SGMS1: variants seen among roughly 807,000 people sequenced by gnomAD.
SGMS1 encodes the protein sphingomyelin synthase 1.
In SGMS1, 13 loss-of-function variants were observed where a neutral mutation model predicts 46.2. The observed-to-expected ratio is 0.28, with a 90% CI of 0.18 to 0.45. SGMS1 has a LOEUF of 0.45. Among genes scored for constraint, SGMS1 ranks in the 20% least tolerant of loss-of-function variants. The pLI is 1.00. For missense variants in SGMS1, 324 were observed against 519.9 expected (o/e 0.62, Z 3.66); for synonymous variants, 203 against 187.8 (o/e 1.08, Z -0.66).
chr10:50,338,619 A>G (rs4935623), intron 7 of SGMS1, among the ~76,000 whole-genome samples: 84,208 of 151,982 alleles, frequency 0.55, 23,801 homozygotes, highest in East Asian at 0.85. Flanking sequence ...ATTAGAAACT[A>G]TAAGTGTCAT....
At chr10:50,559,819 A>T (rs1345812736) in intron 2 of SGMS1, among the ~76,000 whole-genome samples, 1 of 152,170 alleles carries the variant, frequency 6.6e-6, no homozygotes, top group Non-Finnish European at 1.5e-5. Flanking sequence ...TTAAAAACAA[A>T]ATCCATTCCC....
rs142489827 is a variant in SGMS1, at chr10:50,480,239, T to C, written c.-497-13307A>G. ...AAAAGCTTTCTGGTTTTGGTCCACA[T>C]GGTCCACATGACATTGAGCTAGGTC... On this transcript the variant is annotated intron_variant, in intron 3 of 10. Coordinates refer to ENST00000361781, the MANE Select transcript of SGMS1 (RefSeq NM_147156.4). Among the ~76,000 whole-genome samples, 140 of 152,228 alleles carry C rather than the reference T, an allele frequency of 9.2e-4. 1 individual carries two copies. In the Middle Eastern group the frequency reaches 0.031, roughly 33 times the overall value.
At chr10:50,371,575 C>T (rs1848436319) in intron 6 of SGMS1, among the ~76,000 whole-genome samples, 1 of 152,206 alleles carries the variant, frequency 6.6e-6, no homozygotes, top group South Asian at 2.1e-4. Context: ...CTTTGGACTA[C>T]TTGTAGTTCC....
intron 8 of SGMS1, among the ~76,000 whole-genome samples, chr10:50,316,636 A>G (rs1847343104): frequency 6.6e-6 from 1 of 152,162 alleles, no homozygotes; most frequent in Non-Finnish European, 1.5e-5. Context: ...ATTAAGGTAA[A>G]TTATTTTGTT....
chr10:50,625,125 G>C, upstream of SGMS1: 3 of 934,838 alleles, frequency 3.2e-6, no homozygotes, highest in Non-Finnish European at 3.8e-6. Flanking sequence ...CCCCTGGCTT[G>C]CCCAGAGGAC....
intron 1 of SGMS1, among the ~76,000 whole-genome samples, chr10:50,622,131 C>T (rs1256077003): frequency 8.5e-5 from 13 of 152,216 alleles, no homozygotes; most frequent in Non-Finnish European, 1.5e-5. Context: ...CACGGCATGT[C>T]TTCAGAGCTG....
intron 6 of SGMS1, among the ~76,000 whole-genome samples, chr10:50,360,768 C>T (rs1589406161): frequency 6.6e-6 from 1 of 152,200 alleles, no homozygotes; most frequent in Non-Finnish European, 1.5e-5. Flanking sequence ...CTATTTCTAT[C>T]ACACAACACT....
chr10:50,477,047 C>T (rs948922201), intron 3 of SGMS1, among the ~76,000 whole-genome samples: 1 of 152,242 alleles, frequency 6.6e-6, no homozygotes, highest in Non-Finnish European at 1.5e-5. Context: ...AGGAGGGCTG[C>T]CTTCCTCCAG....
chr10:50,377,187 T>G (rs141686351), intron 6 of SGMS1, among the ~76,000 whole-genome samples: 2,144 of 152,338 alleles, frequency 0.014, 25 homozygotes, highest in Non-Finnish European at 0.02. Flanking sequence ...CTGGTTGGTT[T>G]CCGGTGAGGG....
chr10:50,596,746 T>TGAGCCA (rs1184484286), intron 1 of SGMS1, among the ~76,000 whole-genome samples: 3 of 152,242 alleles, frequency 2.0e-5, no homozygotes, highest in African/African-American at 7.2e-5. Flanking sequence ...GAATACATCA[T>TGAGCCA]GAGCCAGATC....
intron 2 of SGMS1, among the ~76,000 whole-genome samples, chr10:50,584,498 C>CA (rs751224205): frequency 0.06 from 4,114 of 68,770 alleles, 273 homozygotes; most frequent in African/African-American, 0.18. Context: ...GACTCCATCT[C>CA]AAAAAAAAAA....
At chr10:50,594,983 CTGA>C (rs1486803537) in intron 1 of SGMS1, among the ~76,000 whole-genome samples, 1 of 152,154 alleles carries the variant, frequency 6.6e-6, no homozygotes, top group African/African-American at 2.4e-5. Flanking sequence ...AGTCACACAG[CTGA>C]TAAGTGGTAG....
chr10:50,534,204 A>G (rs1264052321), intron 2 of SGMS1, among the ~76,000 whole-genome samples: 7 of 152,178 alleles, frequency 4.6e-5, no homozygotes. Flanking sequence ...TAGGGATGGA[A>G]AGGGAAAGAG....
At position 50,412,058 on chromosome 10, in the gene SGMS1, C is replaced by T. The variant is rs958048618; in HGVS notation, c.-232+21418G>A. 7.2e-5 allele frequency among the ~76,000 whole-genome samples: 11 copies of T among 152,276 alleles called. No individual in the cohort carries two copies. The East Asian group carries it at 1.7e-3, about 24-fold the overall frequency. On this transcript the variant is annotated intron_variant, in intron 6 of 10. Transcript: ENST00000361781. ...TGCTGTGCTCCCCTTGGGCAGCCAC[C>T]ACCTGAGAGGGATGAGCTGGCTGTG...
rs538077254 is a variant in SGMS1, at chr10:50,523,993, C to T, written c.-588-4072G>A. ...TGCTACTTCTTGGGCAGAATTTCTT[C>T]ATATTAGAAATCCACATTTCAGCTC... On this transcript the variant is annotated intron_variant, in intron 2 of 10. Coordinates refer to ENST00000361781, the MANE Select transcript of SGMS1 (RefSeq NM_147156.4). 2.0e-5 allele frequency among the ~76,000 whole-genome samples: 3 copies of T among 152,342 alleles called. No homozygotes were observed. In the East Asian group the frequency reaches 5.8e-4, roughly 29 times the overall value.
intron 6 of SGMS1, among the ~76,000 whole-genome samples, chr10:50,420,290 A>C (rs1849237801): frequency 6.6e-6 from 1 of 152,224 alleles, no homozygotes; most frequent in Non-Finnish European, 1.5e-5. Flanking sequence ...GTTCACTACC[A>C]ATAGGCGTAA....
chr10:50,492,075 T>C lies in SGMS1; in HGVS notation c.-497-25143A>G, dbSNP rs190511459. Among the ~76,000 whole-genome samples the C allele has an allele frequency of 3.9e-5, 6 of 152,320 alleles. No individual in the cohort carries two copies. The East Asian group carries it at 1.2e-3, about 29-fold the overall frequency. On this transcript the variant is annotated intron_variant, in intron 3 of 10. Coordinates refer to ENST00000361781, the MANE Select transcript of SGMS1 (RefSeq NM_147156.4). ...GAACTAAAAACAAAACCAACATGAT[T>C]ATCTCAATAGACGCAGAAAAGGGTT...
At chr10:50,576,046 C>T (rs1285517757) in intron 2 of SGMS1, among the ~76,000 whole-genome samples, 3 of 152,044 alleles carry the variant, frequency 2.0e-5, no homozygotes, top group African/African-American at 7.2e-5. Context: ...TCTGGCATCA[C>T]TTCCCATGTT....
At chr10:50,468,098 C>T (rs1837347034) in intron 3 of SGMS1, among the ~76,000 whole-genome samples, 1 of 152,162 alleles carries the variant, frequency 6.6e-6, no homozygotes, top group South Asian at 2.1e-4. Context: ...CTAGTCTGTG[C>T]TAGAAGCTAG....
Sources: allele counts gnomAD v4.1 joint callset (sites outside exome capture counted in the v4.1 genomes callset), GRCh38; gene constraint gnomAD v4.1.1; transcripts MANE v1.5; gene names NCBI Gene and HGNC (gene_info 2026-07-23, HGNC 2026-07-21).